The following TRAPPC9 variants were observed in gnomAD, a reference collection of about 807,000 sequenced individuals.
The protein encoded by TRAPPC9 is trafficking protein particle complex subunit 9.
TRAPPC9 carries 83 observed loss-of-function variants against 124.0 expected under a neutral mutation model. The observed-to-expected ratio is 0.67, with a 90% CI of 0.56 to 0.80. The LOEUF (loss-of-function observed/expected upper bound fraction) is 0.80, where lower values mean the gene tolerates loss of function less well. Ranked by LOEUF, TRAPPC9 falls within the 30% of genes least tolerant of loss-of-function variation. The pLI is 0.00. For missense variants in TRAPPC9, 1,302 were observed against 1,508.3 expected, an observed-to-expected ratio of 0.86 and a Z score of 2.27; for synonymous variants, 638 against 617.5, an observed-to-expected ratio of 1.03 and a Z score of -0.49.
At chr8:139,836,978 G>GTCTTGAACCCAGAACCCAGAACCTA (rs3036940) in intron 21 of TRAPPC9, among the ~76,000 whole-genome samples, 3 of 151,664 alleles carry the variant, frequency 2.0e-5, no homozygotes, top group Admixed American at 2.0e-4. Flanking sequence ...AGGAGGACTT[G>GTCTTGAACCCAGAACCCAGAACCTA]GGGCCTAGCG....
At chr8:140,164,639 A>G (rs560197164) in intron 17 of TRAPPC9, among the ~76,000 whole-genome samples, 63 of 152,258 alleles carry the variant, frequency 4.1e-4, no homozygotes, top group African/African-American at 1.5e-3. Context: ...TCTAGCTCAG[A>G]CTTGGCTGGA....
At chr8:140,319,336 T>C (rs1217128967) in intron 9 of TRAPPC9, among the ~76,000 whole-genome samples, 1 of 151,474 alleles carries the variant, frequency 6.6e-6, no homozygotes, top group Non-Finnish European at 1.5e-5. Flanking sequence ...CCACCAGGCC[T>C]GGCTAATTTT....
intron 18 of TRAPPC9, among the ~76,000 whole-genome samples, chr8:140,016,366 A>G (rs1450681561): frequency 6.6e-6 from 1 of 152,150 alleles, no homozygotes; most frequent in African/African-American, 2.4e-5. Flanking sequence ...TGCTAGGGTG[A>G]GGGAATTTCA....
At chr8:140,338,358 T>C (rs2067099500) in intron 9 of TRAPPC9, among the ~76,000 whole-genome samples, 1 of 152,194 alleles carries the variant, frequency 6.6e-6, no homozygotes, top group Non-Finnish European at 1.5e-5. Context: ...AACACAAGCA[T>C]ATAATGTACT....
At chr8:139,908,085 G>C (rs59461876) in intron 20 of TRAPPC9, among the ~76,000 whole-genome samples, 3,116 of 152,320 alleles carry the variant, frequency 0.02, 88 homozygotes, top group Middle Eastern at 0.085. Context: ...GGGTGCCCCT[G>C]TGTGCCCAGC....
intron 17 of TRAPPC9, among the ~76,000 whole-genome samples, chr8:140,166,683 A>C (rs2061843450): frequency 2.0e-5 from 3 of 152,358 alleles, no homozygotes; most frequent in South Asian, 4.1e-4. Context: ...CTGGAAGGTC[A>C]CACGCAGCAA....
intron 21 of TRAPPC9, among the ~76,000 whole-genome samples, chr8:139,772,294 C>T (rs1397030846): frequency 6.6e-6 from 1 of 152,224 alleles, no homozygotes; most frequent in Admixed American, 6.5e-5. Context: ...ACTGAGTGCC[C>T]CACTGGTGCC....
intron 17 of TRAPPC9, among the ~76,000 whole-genome samples, chr8:140,039,595 G>A (rs1841130194): frequency 6.6e-6 from 1 of 152,226 alleles, no homozygotes; most frequent in Non-Finnish European, 1.5e-5. Flanking sequence ...AAGCCATGGA[G>A]TACACTTGAC....
At chr8:139,840,518 T>C (rs1014262917) in intron 21 of TRAPPC9, among the ~76,000 whole-genome samples, 3 of 152,296 alleles carry the variant, frequency 2.0e-5, no homozygotes, top group Admixed American at 6.5e-5. Flanking sequence ...ATGAGGAAAC[T>C]GCACGACTCA....
intron 17 of TRAPPC9, among the ~76,000 whole-genome samples, chr8:140,067,887 AAAG>A (rs1435288012): frequency 6.6e-6 from 1 of 152,210 alleles, no homozygotes; most frequent in African/African-American, 2.4e-5. Context: ...AGGACTGTGG[AAAG>A]AAGAACTGAG....
chr8:140,062,005 C>T (rs1842647359), intron 17 of TRAPPC9, among the ~76,000 whole-genome samples: 1 of 152,228 alleles, frequency 6.6e-6, no homozygotes, highest in Non-Finnish European at 1.5e-5. Flanking sequence ...AGTCACACCC[C>T]ATTCCCTCGC....
chr8:139,993,952 C>T (rs1404081530), intron 18 of TRAPPC9, among the ~76,000 whole-genome samples: 3 of 151,990 alleles, frequency 2.0e-5, no homozygotes, highest in East Asian at 1.9e-4. Context: ...AAATTAAAAA[C>T]ATAAAAGCAA....
At chr8:139,769,878 A>C (rs770032451) in intron 21 of TRAPPC9, among the ~76,000 whole-genome samples, 25 of 152,280 alleles carry the variant, frequency 1.6e-4, no homozygotes, top group Non-Finnish European at 2.5e-4. Context: ...TTTACTCAGC[A>C]TCTAGGATCT....
At chr8:139,822,478 C>T (rs1825315210) in intron 21 of TRAPPC9, among the ~76,000 whole-genome samples, 3 of 152,276 alleles carry the variant, frequency 2.0e-5, no homozygotes, top group Admixed American at 6.5e-5. Context: ...GGTGAGGACA[C>T]CGACACTGGC....
intron 9 of TRAPPC9, among the ~76,000 whole-genome samples, chr8:140,332,060 A>G (rs1424191689): frequency 6.6e-6 from 1 of 152,218 alleles, no homozygotes; most frequent in African/African-American, 2.4e-5. Context: ...TAGCCAAGAT[A>G]TGGAATCAAC....
chr8:140,444,795 G>A (rs1019765627), intron 2 of TRAPPC9, among the ~76,000 whole-genome samples: 3 of 149,266 alleles, frequency 2.0e-5, no homozygotes, highest in Non-Finnish European at 3.0e-5. Context: ...CCGGGGAGGC[G>A]GAGGTTGCAG....
chr8:140,245,992 C>G (rs952257492), intron 16 of TRAPPC9, among the ~76,000 whole-genome samples: 5 of 152,252 alleles, frequency 3.3e-5, no homozygotes, highest in Non-Finnish European at 7.3e-5. Flanking sequence ...AGAGACTCCC[C>G]TCATCAACTG....
intron 18 of TRAPPC9, among the ~76,000 whole-genome samples, chr8:139,995,338 G>T (rs1336300049): frequency 1.3e-5 from 2 of 152,200 alleles, no homozygotes; most frequent in African/African-American, 4.8e-5. Context: ...GAATCCCTGA[G>T]TCTTTTCCCT....
At chr8:140,458,197 C>CA (rs1269484595), upstream of TRAPPC9, 1 of 1,549,414 alleles carries the variant, frequency 6.5e-7, no homozygotes, top group Non-Finnish European at 8.7e-7. Flanking sequence ...GGGACCGGAG[C>CA]AAGAGAACAG....
Sources: gnomAD v4.1 joint callset for allele counts (sites outside exome capture counted in the v4.1 genomes callset) on GRCh38, gnomAD v4.1.1 for gene constraint, MANE v1.5 for transcripts, NCBI Gene and HGNC (gene_info 2026-07-23, HGNC 2026-07-21) for gene names.